The following ZNF678 variants were observed in gnomAD, a reference collection of about 807,000 sequenced individuals.
ZNF678 encodes zinc finger protein 678.
A neutral mutation model predicts 3.0 loss-of-function variants in ZNF678; 5 were observed. That is an observed-to-expected ratio of 1.69 (90% confidence interval 0.88 to 3.56). ZNF678 has a LOEUF of 3.56. Among genes scored for constraint, ZNF678 ranks in the 30% most tolerant of loss-of-function variants. ZNF678 has a pLI of 0.00. For synonymous variants in ZNF678, 218 were observed against 199.6 expected (o/e 1.09, Z -0.78); for missense variants, 593 against 605.0 (o/e 0.98, Z 0.21).
intron 3 of ZNF678, among the ~76,000 whole-genome samples, chr1:227,654,033 T>C (rs1335491742): frequency 6.6e-6 from 1 of 152,080 alleles, no homozygotes; most frequent in Non-Finnish European, 1.5e-5. Flanking sequence ...GGCACCATGC[T>C]GTATTGGGGT....
intron 5 of ZNF678, among the ~76,000 whole-genome samples, chr1:227,672,095 C>T (rs1659610261): frequency 1.3e-5 from 2 of 152,060 alleles, no homozygotes; most frequent in Admixed American, 6.5e-5. Flanking sequence ...TTTTGTTTGC[C>T]TGACATTGGA....
chr1:227,577,462 T>C (rs1022278156), intron 1 of ZNF678, among the ~76,000 whole-genome samples: 16 of 152,256 alleles, frequency 1.1e-4, no homozygotes, highest in Non-Finnish European at 2.4e-4. Context: ...GATATTCTTA[T>C]TGAATTGAAT....
intron 1 of ZNF678, among the ~76,000 whole-genome samples, chr1:227,596,533 C>T (rs1307079269): frequency 1.3e-5 from 2 of 152,126 alleles, no homozygotes; most frequent in African/African-American, 2.4e-5. Flanking sequence ...ACTACCACAC[C>T]CAGAGCCTGG....
At chr1:227,605,004 C>T (rs1657828745) in intron 1 of ZNF678, among the ~76,000 whole-genome samples, 1 of 151,990 alleles carries the variant, frequency 6.6e-6, no homozygotes, top group South Asian at 2.1e-4. Flanking sequence ...TACAGGGGCC[C>T]ACCACCACGC....
At chr1:227,636,313 T>C (rs1393569542) in intron 1 of ZNF678, among the ~76,000 whole-genome samples, 1 of 152,196 alleles carries the variant, frequency 6.6e-6, no homozygotes, top group Non-Finnish European at 1.5e-5. Flanking sequence ...TTTTCTGTTA[T>C]CATCTATGTT....
In ZNF678 at chr1:227,661,454, C is replaced by A. The variant is rs1276273183; in HGVS notation, c.*5626C>A. 1.3e-5 allele frequency: 2 copies of A among 152,018 alleles called. No individual in the cohort carries two copies. Among genetic ancestry groups the A allele is most frequent in the Non-Finnish European group, 2.9e-5 (2 of 68,012 alleles). The allele number at this position is 152,018 out of a possible 1,614,324, so 9.4% of individuals were successfully genotyped here. A position where few individuals can be genotyped will look rare whatever the true frequency, so the allele number is the denominator to read the frequency against. The stretch of plus-strand genomic sequence containing the variant: ...TTTCCCAACAATAAGGGACATGAGT[C>A]ATTGGGGCATGTTACAGAGAGTTTC... On this transcript the variant is annotated 3_prime_UTR_variant, in exon 4 of 4. Transcript: ENST00000343776.
At position 227,595,966 on chromosome 1, in the gene ZNF678, C is replaced by A. The variant is rs145111394; in HGVS notation, c.-164+32242C>A. On this transcript the variant is annotated intron_variant, in intron 1 of 3. Coordinates refer to ENST00000343776, the MANE Select transcript of ZNF678 (RefSeq NM_001367909.1). ...TGTGGGTGATCAGTCCATGCTTCCA[C>A]TCAAATGGAGTGGGCAAGTTCTCGA... 4.2e-3 allele frequency among the ~76,000 whole-genome samples: 634 copies of A among 152,324 alleles called. 2 individuals are homozygous for A. The highest frequency in any genetic ancestry group is 0.015 in the African/African-American group (605 of 41,578).
rs139322265 is a variant in ZNF678 at position 227,651,677 on chromosome 1, G to A, written c.85+601G>A. On this transcript the variant is annotated intron_variant, in intron 3 of 3. Coordinates refer to ENST00000343776, the MANE Select transcript of ZNF678 (RefSeq NM_001367909.1). Reference sequence around the variant, plus strand: ...AAGGAAGACTTGCTTTCTGAAAAAGGCTTTCCTTGGTCTTGTGCTTTTAGC... The same window carrying A: ...AAGGAAGACTTGCTTTCTGAAAAAGACTTTCCTTGGTCTTGTGCTTTTAGC... 2.6e-5 allele frequency among the ~76,000 whole-genome samples: 4 copies of A among 152,280 alleles called. No individual in the cohort carries two copies. In the East Asian group the frequency reaches 7.7e-4, roughly 29 times the overall value.
chr1:227,607,063 T>C (rs1432214544), intron 1 of ZNF678, among the ~76,000 whole-genome samples: 1 of 152,214 alleles, frequency 6.6e-6, no homozygotes, highest in Non-Finnish European at 1.5e-5. Context: ...TCCAAAAAAT[T>C]TGGCAGAATT....
chr1:227,674,768 A>T (rs1312682409), intron 5 of ZNF678, among the ~76,000 whole-genome samples: 1 of 151,776 alleles, frequency 6.6e-6, no homozygotes, highest in East Asian at 1.9e-4. Context: ...ACGCCCAGCT[A>T]ATTTTTCTAT....
chr1:227,621,130 C>G (rs927650910), intron 1 of ZNF678, among the ~76,000 whole-genome samples: 2 of 152,132 alleles, frequency 1.3e-5, no homozygotes, highest in Non-Finnish European at 2.9e-5. Context: ...CCCGTAGTCC[C>G]AGCTATTCTG....
chr1:227,644,989 T>G (rs528540518), intron 1 of ZNF678, among the ~76,000 whole-genome samples: 1 of 152,272 alleles, frequency 6.6e-6, no homozygotes, highest in East Asian at 1.9e-4. Flanking sequence ...CTCTTTTGGT[T>G]TGGTGTGGTC....
rs189366744 is a variant in ZNF678 at position 227,618,483 on chromosome 1, T to G, written c.-163-28061T>G. Among the ~76,000 whole-genome samples the G allele has an allele frequency of 6.6e-4, 101 of 152,332 alleles. 1 individual carries two copies. The highest frequency in any genetic ancestry group is 3.8e-4 in the Non-Finnish European group (26 of 68,030). On this transcript the variant is annotated intron_variant, in intron 1 of 3. Coordinates refer to ENST00000343776, the MANE Select transcript of ZNF678 (RefSeq NM_001367909.1). ...AATTCTGAGACCTCAAGCTTTCATC[T>G]TATTTTCTCCCAGGCTGCAGGTCTA... is the stretch of plus-strand genomic sequence containing the variant.
intron 1 of ZNF678, among the ~76,000 whole-genome samples, chr1:227,633,921 C>T (rs542304783): frequency 1.3e-5 from 2 of 152,322 alleles, no homozygotes; most frequent in East Asian, 1.9e-4. Context: ...ATCACCCCTC[C>T]CCTAACCCCA....
rs1216845259 is a variant in ZNF678 at position 227,638,876 on chromosome 1, G to C, written c.-163-7668G>C. Reference sequence around the variant, plus strand: ...AACAGAGACTTGGGAGGACTGGGTGGGTCCTGAAAAATTAGGTAAAGCAGA... The same window carrying C: ...AACAGAGACTTGGGAGGACTGGGTGCGTCCTGAAAAATTAGGTAAAGCAGA... On this transcript the variant is annotated intron_variant, in intron 1 of 3. Coordinates refer to ENST00000343776, the MANE Select transcript of ZNF678 (RefSeq NM_001367909.1). The surrounding 1 kb of genome is among the most constrained non-coding windows in gnomAD (Gnocchi z 4.2). Among the ~76,000 whole-genome samples, 3 of 152,038 alleles carry C rather than the reference G, an allele frequency of 2.0e-5. No homozygotes were observed. The highest frequency in any genetic ancestry group is 4.4e-5 in the Non-Finnish European group (3 of 67,998).
At chr1:227,577,021 A>C (rs1187213013) in intron 1 of ZNF678, among the ~76,000 whole-genome samples, 2 of 152,242 alleles carry the variant, frequency 1.3e-5, no homozygotes, top group East Asian at 3.9e-4. Flanking sequence ...AGATTATTAA[A>C]TTTCCATGTA....
At chr1:227,636,273 T>C (rs1392281527) in intron 1 of ZNF678, among the ~76,000 whole-genome samples, 1 of 152,214 alleles carries the variant, frequency 6.6e-6, no homozygotes, top group Non-Finnish European at 1.5e-5. Context: ...GGGCTACTTT[T>C]CTGATGTTTG....
intron 5 of ZNF678, among the ~76,000 whole-genome samples, chr1:227,673,221 C>G (rs548036303): frequency 1.1e-4 from 16 of 152,186 alleles, no homozygotes; most frequent in African/African-American, 3.6e-4. Flanking sequence ...TTCAACAATC[C>G]CATAATTTTT....
intron 1 of ZNF678, chr1:227,582,487 AT>A (rs59111806): frequency 3.2e-4 from 36 of 111,776 alleles, no homozygotes; most frequent in South Asian, 1.6e-3. Flanking sequence ...TGCCCAGCTA[AT>A]TTTTTTTTTT....
Sources: gnomAD v4.1 joint callset for allele counts (sites outside exome capture counted in the v4.1 genomes callset) on GRCh38, gnomAD v4.1.1 for gene constraint, Gnocchi (gnomAD v3.1) non-coding constraint, MANE v1.5 for transcripts, NCBI Gene and HGNC (gene_info 2026-07-23, HGNC 2026-07-21) for gene names.